The following TBC1D24 variants were observed in gnomAD, a reference collection of about 807,000 sequenced individuals.
TBC1D24 encodes the protein TBC1 domain family member 24, also known as Infantile myoclonic epilepsy.
TBC1D24 carries 47 observed loss-of-function variants against 50.7 expected under a neutral mutation model. The observed-to-expected ratio is 0.93, with a 90% CI of 0.73 to 1.18. TBC1D24 has a LOEUF of 1.18. TBC1D24 is among the 50% of genes most tolerant of loss of function. TBC1D24 has a pLI of 0.00. For missense variants in TBC1D24, 688 were observed against 766.5 expected (o/e 0.90, Z 1.21); for synonymous variants, 324 against 335.2 (o/e 0.97, Z 0.36).
chr16:2,478,089 G>A (rs2065582805), intron 1 of TBC1D24: 1 of 152,376 alleles, frequency 6.6e-6, no homozygotes, highest in Non-Finnish European at 1.5e-5. Flanking sequence ...AGGTGGCCAG[G>A]GAGGTGAAGA....
chr16:2,491,302 C>T (rs890336985), intron 1 of TBC1D24, among the ~76,000 whole-genome samples: 8 of 152,056 alleles, frequency 5.3e-5, no homozygotes, highest in South Asian at 2.1e-4. Flanking sequence ...ATATCACCAG[C>T]GTAATGAAAG....
Position 2,500,680 on chromosome 16 carries a change from GGGTCAAC to G in TBC1D24, c.1526-119_1526-113del, listed in dbSNP as rs1405221662. Reference sequence around the variant, plus strand: ...GACAGCTGGTCCTGGGGGCTATGGAGGGTCAACGGTCTGTGCGGTTTCAGAGAGGCCC... The same window carrying G: ...GACAGCTGGTCCTGGGGGCTATGGAGGGTCTGTGCGGTTTCAGAGAGGCCC... On this transcript the variant is annotated intron_variant, in intron 7 of 7. Transcript: ENST00000646147. This position sits in a 1 kb window ranked among gnomAD's most constrained non-coding sequence, Gnocchi z 8.0. 6 of 1,395,710 alleles carry G rather than the reference GGGTCAAC, an allele frequency of 4.3e-6. No individual in the cohort carries two copies. The highest frequency in any genetic ancestry group is 2.3e-4 in the Middle Eastern group (1 of 4,386). The allele number at this position is 1,395,710 out of a possible 1,614,324, so 86.5% of individuals were successfully genotyped here.
Position 2,497,124 on chromosome 16 carries a change from G to C in TBC1D24, c.965+11G>C, listed in dbSNP as rs568663296. The C allele has an allele frequency of 6.3e-7, 1 of 1,598,970 alleles. No homozygotes were observed. The highest frequency in any genetic ancestry group is 1.7e-5 in the Admixed American group (1 of 60,022). On this transcript the variant is annotated intron_variant, in intron 2 of 7. Coordinates refer to ENST00000646147, the MANE Select transcript of TBC1D24 (RefSeq NM_001199107.2). Reference sequence around the variant, plus strand: ...CGTGAAGCAGAAGAGGTAGGTCGCCGGCAGCCTGTGAGGGGTACACCCAGG... The same window carrying C: ...CGTGAAGCAGAAGAGGTAGGTCGCCCGCAGCCTGTGAGGGGTACACCCAGG...
Position 2,499,394 on chromosome 16 carries a change from T to C in TBC1D24, c.1180T>C (p.Leu394=), listed in dbSNP as rs775110116. 1.5e-5 allele frequency: 25 copies of C among 1,613,704 alleles called. No homozygotes were observed. Among genetic ancestry groups the C allele is most frequent in the Non-Finnish European group, 2.1e-5 (25 of 1,179,882 alleles). ...GTGTGAAGGACATGAGCCTACCCTCTTGCTCATCAAGACCACGCAGAAGGA... is the reference window on the plus strand; with the variant it reads ...GTGTGAAGGACATGAGCCTACCCTCCTGCTCATCAAGACCACGCAGAAGGA... ...FQCEGHEPTL[L]LIKTTQKEVC... The change falls in exon 5 of 8, where the codon TTG becomes CTG. Residue 394 remains leucine (L), a synonymous_variant. Coordinates refer to ENST00000646147, the MANE Select transcript of TBC1D24 (RefSeq NM_001199107.2). The surrounding 1 kb of genome is among the most constrained non-coding windows in gnomAD (Gnocchi z 4.0).
chr16:2,501,174 TG>T lies in TBC1D24; in HGVS notation c.*218del, dbSNP rs1328698658. 1.6e-6 allele frequency: 1 copy of T among 621,790 alleles called. No individual in the cohort carries two copies. Among genetic ancestry groups the T allele is most frequent in the Non-Finnish European group, 2.8e-6 (1 of 356,982 alleles). The allele number at this position is 621,790 out of a possible 1,614,324, so 38.5% of individuals were successfully genotyped here. A position where few individuals can be genotyped will look rare whatever the true frequency, so the allele number is the denominator to read the frequency against. ...AGTCCACCTGCATCTGGGTCAGAGC[TG>T]GAGGGCCTGCTGTGCCCCCAGCCCC... On this transcript the variant is annotated 3_prime_UTR_variant, in exon 8 of 8. Coordinates refer to ENST00000646147, the MANE Select transcript of TBC1D24 (RefSeq NM_001199107.2).
chr16:2,494,927 G>T (rs976978852), intron 1 of TBC1D24, among the ~76,000 whole-genome samples: 2 of 151,690 alleles, frequency 1.3e-5, no homozygotes, highest in Non-Finnish European at 2.9e-5. Context: ...ACTCTCACTC[G>T]TAATTCCAGC....
At chr16:2,492,938 C>A (rs925331719) in intron 1 of TBC1D24, among the ~76,000 whole-genome samples, 3 of 151,516 alleles carry the variant, frequency 2.0e-5, no homozygotes, top group African/African-American at 7.3e-5. Context: ...ACTAAAAATA[C>A]AAAATTAGCC....
Position 2,499,358 on chromosome 16 carries a change from T to G in TBC1D24, c.1144T>G (p.Phe382Val), listed in dbSNP as rs1192756086. Reference protein sequence around the residue: ...SLQHGYSLARFYFQCEGHEPT... With the variant: ...SLQHGYSLARVYFQCEGHEPT... ...CTGGCATGCGTGTCTCTACGCCAGG[T>G]TCTACTTCCAGTGTGAAGGACATGA... The change falls in exon 5 of 8, where the codon TTC becomes GTC. Residue 382 changes from phenylalanine to valine, a missense_variant and splice_region_variant. Phe to Val is a conservative substitution (Grantham distance 50). Coordinates refer to ENST00000646147, the MANE Select transcript of TBC1D24 (RefSeq NM_001199107.2). This position sits in a 1 kb window ranked among gnomAD's most constrained non-coding sequence, Gnocchi z 4.0. 4 of 1,612,928 alleles carry G rather than the reference T, an allele frequency of 2.5e-6. No individual in the cohort carries two copies. Among genetic ancestry groups the G allele is most frequent in the Non-Finnish European group, 3.4e-6 (4 of 1,179,620 alleles).
rs2065654576 is a variant in TBC1D24, at chr16:2,486,826, A to C, written c.-115-9208A>C. On this transcript the variant is annotated intron_variant, in intron 1 of 7. Coordinates refer to ENST00000646147, the MANE Select transcript of TBC1D24 (RefSeq NM_001199107.2). This position sits in a 1 kb window ranked among gnomAD's most constrained non-coding sequence, Gnocchi z 5.8. Reference sequence around the variant, plus strand: ...CTGTTTGTCGCTCGCCCCCGCCTCCAGCATCCCCAAGTGGCCTGGGCTCTG... The same window carrying C: ...CTGTTTGTCGCTCGCCCCCGCCTCCCGCATCCCCAAGTGGCCTGGGCTCTG... Among the ~76,000 whole-genome samples the C allele has an allele frequency of 6.6e-6, 1 of 152,138 alleles. No individual in the cohort carries two copies. The highest frequency in any genetic ancestry group is 2.4e-5 in the African/African-American group (1 of 41,432).
intron 1 of TBC1D24, among the ~76,000 whole-genome samples, chr16:2,490,069 C>T (rs1596962424): frequency 6.6e-6 from 1 of 152,230 alleles, no homozygotes; most frequent in Non-Finnish European, 1.5e-5. Context: ...TTCTTTCTCA[C>T]TCCTCTGGCT....
chr16:2,477,052 T>C (rs1385045813), intron 1 of TBC1D24: 1 of 152,254 alleles, frequency 6.6e-6, no homozygotes, highest in Non-Finnish European at 1.5e-5. Context: ...AAAAAAGCAC[T>C]TAACATTTAC....
rs952875988 is a variant in TBC1D24, at chr16:2,499,628, C to A, written c.1207-207C>A. 2.6e-5 allele frequency among the ~76,000 whole-genome samples: 4 copies of A among 152,154 alleles called. No individual in the cohort carries two copies. The highest frequency in any genetic ancestry group is 2.6e-4 in the Admixed American group (4 of 15,280). ...GACTATCCCCAACACAGCCCCCGCC[C>A]ACCCTCATTGCCAGCCCCAAGCCAG... On this transcript the variant is annotated intron_variant, in intron 5 of 7. Coordinates refer to ENST00000646147, the MANE Select transcript of TBC1D24 (RefSeq NM_001199107.2). The surrounding 1 kb of genome is among the most constrained non-coding windows in gnomAD (Gnocchi z 4.0).
In TBC1D24 at chr16:2,485,358, A is replaced by T. The variant is rs886515366; in HGVS notation, c.-116+10188A>T. On this transcript the variant is annotated intron_variant, in intron 1 of 7. Transcript: ENST00000646147. This position sits in a 1 kb window ranked among gnomAD's most constrained non-coding sequence, Gnocchi z 4.6. ...GTTATGCCTACTTAACAAGGGCTCC[A>T]TGTCAACCCTAGAAGACAGGACTTG... is the stretch of plus-strand genomic sequence containing the variant. The T allele has an allele frequency of 7.2e-5, 11 of 152,286 alleles. No individual in the cohort carries two copies. Among genetic ancestry groups the T allele is most frequent in the African/African-American group, 2.4e-4 (10 of 41,538 alleles). The allele number at this position is 152,286 out of a possible 1,614,324, so 9.4% of individuals were successfully genotyped here.
chr16:2,482,025 G>A lies in TBC1D24; in HGVS notation c.-116+6855G>A, dbSNP rs906502286. 2.0e-5 allele frequency: 3 copies of A among 152,254 alleles called. No individual in the cohort carries two copies. The highest frequency in any genetic ancestry group is 7.2e-5 in the African/African-American group (3 of 41,452). 9.4% of individuals were successfully genotyped at this position (152,254 alleles called of 1,614,324 possible). On this transcript the variant is annotated intron_variant, in intron 1 of 7. Coordinates refer to ENST00000646147, the MANE Select transcript of TBC1D24 (RefSeq NM_001199107.2). The surrounding 1 kb of genome is among the most constrained non-coding windows in gnomAD (Gnocchi z 5.2). ...CGGTCACCATTAATATTTGAAAGATGCCTGTGCTCTGCTTCAGGCTGAGGC... is the reference window on the plus strand; with the variant it reads ...CGGTCACCATTAATATTTGAAAGATACCTGTGCTCTGCTTCAGGCTGAGGC...
At chr16:2,490,083 T>C (rs992942053) in intron 1 of TBC1D24, among the ~76,000 whole-genome samples, 35 of 152,218 alleles carry the variant, frequency 2.3e-4, no homozygotes, top group African/African-American at 6.8e-4. Context: ...TCTGGCTCAA[T>C]GTCATCTCCT....
chr16:2,500,824 C>G lies in TBC1D24; in HGVS notation c.1546C>G (p.Leu516Val), dbSNP rs768915240. The change falls in exon 8 of 8, where the codon CTC becomes GTC. Residue 516 changes from leucine to valine, a missense_variant. Physicochemically the swap from Leu to Val is conservative, Grantham distance 32. Transcript: ENST00000646147. This position sits in a 1 kb window ranked among gnomAD's most constrained non-coding sequence, Gnocchi z 8.0. Reference protein sequence around the residue: ...LIVGGGGGQALYIDGDLNRGR... With the variant: ...LIVGGGGGQAVYIDGDLNRGR... ...TGCAGGGGGAGGAGGCGGCCAGGCG[C>G]TCTACATCGATGGGGACCTGAACCG... 1.2e-6 allele frequency: 2 copies of G among 1,607,212 alleles called. No homozygotes were observed.
Position 2,482,343 on chromosome 16 carries a change from C to T in TBC1D24, c.-116+7173C>T, listed in dbSNP as rs892203470. The stretch of plus-strand genomic sequence containing the variant: ...TGGGTGTGCTGGGCAAGGGTGAGGA[C>T]AGATGTGGACAGGAGGCGTGGAGCT... On this transcript the variant is annotated intron_variant, in intron 1 of 7. Transcript: ENST00000646147. The surrounding 1 kb of genome is among the most constrained non-coding windows in gnomAD (Gnocchi z 5.2). 7.2e-5 allele frequency among the ~76,000 whole-genome samples: 11 copies of T among 152,152 alleles called. No homozygotes were observed. Among genetic ancestry groups the T allele is most frequent in the African/African-American group, 2.7e-4 (11 of 41,422 alleles).
chr16:2,477,219 G>A (rs546666366), intron 1 of TBC1D24: 1 of 152,176 alleles, frequency 6.6e-6, no homozygotes, highest in Non-Finnish European at 1.5e-5. Context: ...CAAAACCTCA[G>A]GCTTTTTACT....
At position 2,500,291 on chromosome 16, in the gene TBC1D24, C is replaced by T. The variant is rs184639841; in HGVS notation, c.1326C>T (p.Tyr442=). ...VFRLQPEVQR[Y]EWVVIKHPEL... ...AGCTGCAGCCTGAGGTGCAGCGCTA[C>T]GAGTGGGTGGTGATCAAGCACCCCG... Residue 442 remains tyrosine, a synonymous_variant, in exon 7 of 8, where the codon TAC becomes TAT. Transcript: ENST00000646147. The surrounding 1 kb of genome is among the most constrained non-coding windows in gnomAD (Gnocchi z 8.0). 6,320 of 1,609,178 alleles carry T rather than the reference C, an allele frequency of 3.9e-3. 17 individuals carry two copies. The highest frequency in any genetic ancestry group is 5.0e-3 in the Non-Finnish European group (5,844 of 1,178,486).
Sources: allele counts gnomAD v4.1 joint callset (sites outside exome capture counted in the v4.1 genomes callset), GRCh38; gene constraint gnomAD v4.1.1; non-coding constraint Gnocchi (gnomAD v3.1); transcripts MANE v1.5; gene names NCBI Gene and HGNC (gene_info 2026-07-23, HGNC 2026-07-21).